The following AP3M1 variants were observed in gnomAD, a reference collection of about 807,000 sequenced individuals.
AP3M1 encodes the protein adaptor related protein complex 3 subunit mu 1, also known as AP-3 complex subunit mu-1.
AP3M1 carries 29 observed loss-of-function variants against 42.6 expected under a neutral mutation model. The observed-to-expected ratio is 0.68, with a 90% CI of 0.51 to 0.93. The LOEUF is 0.93. Among genes scored for constraint, AP3M1 ranks in the 40% least tolerant of loss-of-function variants. The pLI is 0.00. For missense variants in AP3M1, 416 were observed against 510.2 expected (o/e 0.82, Z 1.78); for synonymous variants, 178 against 175.3 (o/e 1.02, Z -0.12).
At chr10:74,149,267 GTTTTTTTTTTTTTTTTTTTTTTTTTTTTT>G (rs57279906) in intron 1 of AP3M1, among the ~76,000 whole-genome samples, 6 of 60,060 alleles carry the variant, frequency 1.0e-4, no homozygotes, top group African/African-American at 3.7e-4. Context: ...GATACGTAAG[GTTTTTTTTTTTTTTTTTTTTTTTTTTTTT>G]TTTTTTTTTT....
rs1447887240 is a variant in AP3M1, at chr10:74,120,937, A to G, written c.*2873T>C. ...GACATAGTCCTCTTCTTCCTTAAAG[A>G]AACACTGACTAAAATAGTAGGAGCA... On this transcript the variant is annotated 3_prime_UTR_variant, in exon 9 of 9. Coordinates refer to ENST00000355264, the MANE Select transcript of AP3M1 (RefSeq NM_012095.6). 6.6e-6 allele frequency: 1 copy of G among 152,236 alleles called. No homozygotes were observed. The highest frequency in any genetic ancestry group is 1.5e-5 in the Non-Finnish European group (1 of 68,052). 9.4% of individuals were successfully genotyped at this position (152,236 alleles called of 1,614,324 possible). A position where few individuals can be genotyped will look rare whatever the true frequency, so the allele number is the denominator to read the frequency against.
chr10:74,141,543 T>A (rs961116220), intron 1 of AP3M1, among the ~76,000 whole-genome samples: 2 of 152,184 alleles, frequency 1.3e-5, no homozygotes, highest in Non-Finnish European at 2.9e-5. Flanking sequence ...CGATGTTGAA[T>A]AAATGAAGCC....
At chr10:74,126,428 C>T in intron 6 of AP3M1, 73 bp from the exon 7 acceptor site, 4 of 1,227,886 alleles carry the variant, frequency 3.3e-6, no homozygotes, top group Non-Finnish European at 3.5e-6. Context: ...CCAGAGGTAT[C>T]CTGAAAACCT....
intron 1 of AP3M1, among the ~76,000 whole-genome samples, chr10:74,145,235 C>G (rs1841293175): frequency 6.6e-6 from 1 of 152,178 alleles, no homozygotes; most frequent in Admixed American, 6.6e-5. Flanking sequence ...GGCCAGATCT[C>G]TACTCATCCT....
chr10:74,129,058 G>GTTGTAC, intron 6 of AP3M1, 50 bp downstream of exon 6: 2 of 1,602,464 alleles, frequency 1.2e-6, no homozygotes, highest in Non-Finnish European at 1.7e-6. Context: ...GGAAAGGTGA[G>GTTGTAC]TTGTACTTGA....
At chr10:74,124,015 C>G (rs1330915731) in intron 8 of AP3M1, 105 bp from the exon 9 acceptor site, 2 of 997,274 alleles carry the variant, frequency 2.0e-6, no homozygotes, top group African/African-American at 3.2e-5. Context: ...GTGTCCCTTC[C>G]ACCATTTGGA....
chr10:74,124,426 A>C lies in AP3M1; in HGVS notation c.1110T>G (p.Asn370Lys). 1.2e-6 allele frequency: 2 copies of C among 1,613,716 alleles called. No homozygotes were observed. The highest frequency in any genetic ancestry group is 1.7e-6 in the Non-Finnish European group (2 of 1,179,862). ...LQSGAPKPEE[N>K]PSLNIQFKIQ... is the part of the protein sequence containing the mutation. ...TCTTAAACTGTATGTTGAGGCTCGG[A>C]TTCTCTTCTGGTTTGGGGGCTCCAG... Residue 370 changes from asparagine to lysine, a missense_variant, in exon 8 of 9, where the codon AAT becomes AAG. By Grantham distance (94) the Asn-to-Lys change is moderately conservative. Coordinates refer to ENST00000355264, the MANE Select transcript of AP3M1 (RefSeq NM_012095.6).
intron 3 of AP3M1, among the ~76,000 whole-genome samples, chr10:74,136,403 TGTG>T (rs1187235970): frequency 6.6e-6 from 1 of 152,098 alleles, no homozygotes; most frequent in Non-Finnish European, 1.5e-5. Context: ...ATAATATTGT[TGTG>T]GTGTTTTAGA....
intron 4 of AP3M1, among the ~76,000 whole-genome samples, chr10:74,131,337 T>A (rs1036981297): frequency 2.6e-5 from 4 of 151,706 alleles, no homozygotes; most frequent in Non-Finnish European, 5.9e-5. Context: ...CCAGCTAATT[T>A]TTTGTATTTT....
rs377762958 is a variant in AP3M1, at chr10:74,123,759, T to C, written c.*51A>G. The C allele has an allele frequency of 2.2e-6, 3 of 1,389,192 alleles. No individual in the cohort carries two copies. In the South Asian group the frequency reaches 3.5e-5, roughly 16 times the overall value. 86.1% of individuals were successfully genotyped at this position (1,389,192 alleles called of 1,614,324 possible). A position where few individuals can be genotyped will look rare whatever the true frequency, so the allele number is the denominator to read the frequency against. On this transcript the variant is annotated 3_prime_UTR_variant, in exon 9 of 9. Coordinates refer to ENST00000355264, the MANE Select transcript of AP3M1 (RefSeq NM_012095.6). ...TCACTTGGTACCTAATAGTGATACA[T>C]CGTAATGACACTTGGAAAACAAACT...
intron 3 of AP3M1, among the ~76,000 whole-genome samples, chr10:74,136,123 T>A (rs1418992574): frequency 6.6e-6 from 1 of 152,242 alleles, no homozygotes. Flanking sequence ...ATAAGTAAAC[T>A]ATTTCCTATT....
rs1047424457 is a variant in AP3M1 at position 74,130,451 on chromosome 10, A to AT, written c.584-460dup. On this transcript the variant is annotated intron_variant, in intron 4 of 8. Coordinates refer to ENST00000355264, the MANE Select transcript of AP3M1 (RefSeq NM_012095.6). ...TACAGGTATGCCACTGTAGAATATAATTTTTTTTTTTTTGAGACAGGGTCT... is the reference window on the plus strand; with the variant it reads ...TACAGGTATGCCACTGTAGAATATAATTTTTTTTTTTTTTGAGACAGGGTCT... Among the ~76,000 whole-genome samples, 574 of 146,078 alleles carry AT rather than the reference A, an allele frequency of 3.9e-3. 2 individuals carry two copies. Among genetic ancestry groups the AT allele is most frequent in the Non-Finnish European group, 4.6e-3 (301 of 65,898 alleles).
At chr10:74,147,940 A>G (rs1172064231) in intron 1 of AP3M1, among the ~76,000 whole-genome samples, 1 of 152,196 alleles carries the variant, frequency 6.6e-6, no homozygotes, top group African/African-American at 2.4e-5. Flanking sequence ...CGGAGGTTGC[A>G]GTGAGCCGAG....
At position 74,128,955 on chromosome 10, in the gene AP3M1, C is replaced by T. The variant is rs184938063; in HGVS notation, c.803+153G>A. On this transcript the variant is annotated intron_variant, in intron 6 of 8. Coordinates refer to ENST00000355264, the MANE Select transcript of AP3M1 (RefSeq NM_012095.6). ...CAAAGTATACGGATTATTTTAGGTG[C>T]GTATTTTCACCCGTTCTCACTGGGT... 1.1e-4 allele frequency: 86 copies of T among 783,194 alleles called. No individual in the cohort carries two copies. The East Asian group carries it at 1.3e-3, about 12-fold the overall frequency. The allele number at this position is 783,194 out of a possible 1,614,324, so 48.5% of individuals were successfully genotyped here.
At position 74,120,420 on chromosome 10, in the gene AP3M1, G is replaced by GAAAC. The variant is rs1840401938; in HGVS notation, c.*3386_*3389dup. ...GTTAACAGGCAGAAAGCAGCTGGAT[G>GAAAC]AAACAGTTTATTTTCATCTTAGAAG... On this transcript the variant is annotated 3_prime_UTR_variant, in exon 9 of 9. Coordinates refer to ENST00000355264, the MANE Select transcript of AP3M1 (RefSeq NM_012095.6). 1 of 152,238 alleles carries GAAAC rather than the reference G, an allele frequency of 6.6e-6. No homozygotes were observed. The highest frequency in any genetic ancestry group is 1.5e-5 in the Non-Finnish European group (1 of 68,048). 9.4% of individuals were successfully genotyped at this position (152,238 alleles called of 1,614,324 possible).
chr10:74,133,280 G>C (rs1169909176), intron 4 of AP3M1, among the ~76,000 whole-genome samples: 1 of 152,092 alleles, frequency 6.6e-6, no homozygotes, highest in Non-Finnish European at 1.5e-5. Context: ...TGTAATCCCA[G>C]GTACTCGGGA....
chr10:74,137,996 G>T, intron 2 of AP3M1, 111 bp downstream of exon 2: 1 of 1,147,636 alleles, frequency 8.7e-7, no homozygotes, highest in Non-Finnish European at 1.2e-6. Context: ...CGCTTAAACA[G>T]AGAGAGACAG....
intron 5 of AP3M1, 78 bp from the exon 6 acceptor site, chr10:74,129,319 G>A (rs1840707288): frequency 6.9e-7 from 1 of 1,459,230 alleles, no homozygotes; most frequent in African/African-American, 1.4e-5. Context: ...TGACAAATAT[G>A]TTCCCTGAAG....
chr10:74,124,290 A>C (rs773614101), intron 8 of AP3M1, 90 bp downstream of exon 8: 33 of 1,481,948 alleles, frequency 2.2e-5, no homozygotes, highest in Admixed American at 2.0e-4. Flanking sequence ...CTCTTTCTAG[A>C]GAAGGAAACT....
Sources: gnomAD v4.1 joint callset for allele counts (sites outside exome capture counted in the v4.1 genomes callset) on GRCh38, gnomAD v4.1.1 for gene constraint, MANE v1.5 for transcripts, NCBI Gene and HGNC (gene_info 2026-07-23, HGNC 2026-07-21) for gene names.